The following ESD variants were observed in gnomAD, a reference collection of about 807,000 sequenced individuals.
ESD encodes S-formylglutathione hydrolase.
Under a neutral mutation model 38.1 loss-of-function variants are expected in ESD, and 34 were observed. The ratio of observed to expected loss-of-function variants is 0.89; its 90% CI spans 0.68 to 1.19. The LOEUF is 1.19. ESD is among the 50% of genes most tolerant of loss of function. The pLI is 0.00. For synonymous variants in ESD, 97 were observed against 107.0 expected, an observed-to-expected ratio of 0.91 and a Z score of 0.58; for missense variants, 334 against 327.2, an observed-to-expected ratio of 1.02 and a Z score of -0.16.
At chr13:46,792,309 G>C (rs1311221184) in intron 2 of ESD, among the ~76,000 whole-genome samples, 1 of 151,936 alleles carries the variant, frequency 6.6e-6, no homozygotes, top group Admixed American at 6.6e-5. Context: ...TAGATATCAG[G>C]AACAGGTATT....
At chr13:46,794,629 G>A (rs1875515377) in intron 1 of ESD, among the ~76,000 whole-genome samples, 1 of 151,880 alleles carries the variant, frequency 6.6e-6, no homozygotes, top group Non-Finnish European at 1.5e-5. Flanking sequence ...ATCTCTACAT[G>A]TGTTTTTTTG....
At chr13:46,777,414 A>G (rs749783751) in intron 9 of ESD, 42 bp downstream of exon 9, 1 of 1,398,248 alleles carries the variant, frequency 7.2e-7, no homozygotes, top group Non-Finnish European at 9.7e-7. Context: ...AATTTTTCAT[A>G]GTTACATTAT....
intron 9 of ESD, chr13:46,776,808 A>G (rs1204886888): frequency 6.6e-6 from 1 of 152,058 alleles, no homozygotes; most frequent in Non-Finnish European, 1.5e-5. Flanking sequence ...TTCACTCTAA[A>G]ATATTTTAAA....
intron 9 of ESD, among the ~76,000 whole-genome samples, chr13:46,773,210 TGTGC>T (rs1874675022): frequency 6.6e-6 from 1 of 152,214 alleles, no homozygotes; most frequent in Non-Finnish European, 1.5e-5. Flanking sequence ...TGAACATATG[TGTGC>T]TTGTATCTTT....
At chr13:46,774,393 C>T (rs1243065139) in intron 9 of ESD, among the ~76,000 whole-genome samples, 3 of 152,162 alleles carry the variant, frequency 2.0e-5, no homozygotes, top group Admixed American at 2.0e-4. Flanking sequence ...CTAATTGTAT[C>T]ATCCCTGACG....
At chr13:46,784,378 C>T in intron 4 of ESD, 28 bp from the exon 5 acceptor site, 1 of 1,453,028 alleles carries the variant, frequency 6.9e-7, no homozygotes, top group Non-Finnish European at 9.6e-7. Context: ...TGTTATTGGG[C>T]ACACATGGAC....
intron 8 of ESD, 57 bp from the exon 9 acceptor site, chr13:46,777,680 C>CT: frequency 1.5e-6 from 2 of 1,358,654 alleles, no homozygotes; most frequent in Non-Finnish European, 2.0e-6. Flanking sequence ...TCAGGATATA[C>CT]TATACTAGTA....
At chr13:46,773,646 T>G (rs1874691284) in intron 9 of ESD, among the ~76,000 whole-genome samples, 1 of 152,198 alleles carries the variant, frequency 6.6e-6, no homozygotes. Flanking sequence ...AGAGAGGTAT[T>G]AAATGTTTAT....
chr13:46,782,877 C>G, intron 5 of ESD, 86 bp from the exon 6 acceptor site: 1 of 1,482,020 alleles, frequency 6.7e-7, no homozygotes, highest in Admixed American at 1.8e-5. Flanking sequence ...TCTGCAAGTC[C>G]ATTTGCATGG....
At chr13:46,796,944 G>GTC (rs1207797100) in intron 1 of ESD, among the ~76,000 whole-genome samples, 161 bp downstream of exon 1, 1 of 152,242 alleles carries the variant, frequency 6.6e-6, no homozygotes, top group African/African-American at 2.4e-5. Context: ...TTGGCCTCCT[G>GTC]TCATGGATGG....
At chr13:46,778,773 TTC>T (rs1323113093) in intron 8 of ESD, among the ~76,000 whole-genome samples, 2 of 151,770 alleles carry the variant, frequency 1.3e-5, no homozygotes, top group African/African-American at 2.4e-5. Context: ...CCTAAATCAT[TTC>T]TAGCATTCTT....
At chr13:46,784,531 A>G (rs985849533) in intron 4 of ESD, among the ~76,000 whole-genome samples, 181 bp from the exon 5 acceptor site, 11 of 152,098 alleles carry the variant, frequency 7.2e-5, no homozygotes, top group African/African-American at 2.6e-4. Flanking sequence ...CATGTCACGC[A>G]ATACGCTCAT....
At chr13:46,780,609 A>T (rs1874964487) in intron 7 of ESD, among the ~76,000 whole-genome samples, 2 of 151,740 alleles carry the variant, frequency 1.3e-5, no homozygotes, top group Non-Finnish European at 3.0e-5. Flanking sequence ...GGACAAAAAA[A>T]TCAACTAAGT....
chr13:46,771,334 ATTTTT>A lies in ESD; in HGVS notation c.*77_*81del. ...AGCACTATAAAATCCAATGTTTTGA[ATTTTT>A]TTTTTTTTTGCTCAGCAATACAGTT... On this transcript the variant is annotated 3_prime_UTR_variant, in exon 10 of 10. Transcript: ENST00000378720. The A allele has an allele frequency of 1.4e-6, 1 of 708,662 alleles. No homozygotes were observed. Among genetic ancestry groups the A allele is most frequent in the South Asian group, 2.2e-5 (1 of 45,016 alleles). 43.9% of individuals were successfully genotyped at this position (708,662 alleles called of 1,614,324 possible). A position where few individuals can be genotyped will look rare whatever the true frequency, so the allele number is the denominator to read the frequency against.
At chr13:46,775,672 T>C (rs911757660) in intron 9 of ESD, 2 of 470,574 alleles carry the variant, frequency 4.3e-6, no homozygotes, top group Non-Finnish European at 4.4e-6. Flanking sequence ...AGCTATGTAG[T>C]CCACTCTTAA....
chr13:46,796,314 C>T (rs1331323765), intron 1 of ESD, among the ~76,000 whole-genome samples: 1 of 152,210 alleles, frequency 6.6e-6, no homozygotes, highest in Admixed American at 6.5e-5. Context: ...ATCTATGCCT[C>T]ATTTGCCCAT....
intron 9 of ESD, among the ~76,000 whole-genome samples, chr13:46,773,568 C>T (rs755821573): frequency 5.9e-5 from 9 of 152,178 alleles, no homozygotes; most frequent in South Asian, 2.1e-4. Flanking sequence ...ATATCACTGA[C>T]GCTTCAGAGA....
At chr13:46,790,560 C>T (rs1875361326) in intron 3 of ESD, 1 of 152,098 alleles carries the variant, frequency 6.6e-6, no homozygotes. Flanking sequence ...TCTGGTATTC[C>T]CCAGTACAAA....
Position 46,789,962 on chromosome 13 carries a change from T to C in ESD, c.68+1384A>G, listed in dbSNP as rs1438075627. 2.6e-5 allele frequency among the ~76,000 whole-genome samples: 4 copies of C among 151,272 alleles called. No individual in the cohort carries two copies. In the East Asian group the frequency reaches 7.8e-4, roughly 29 times the overall value. ...TCCTAAGTAGCTGGGACTACAGGTG[T>C]GCATAACCATGCCTGGCTAATTTTT... On this transcript the variant is annotated intron_variant, in intron 3 of 9. Transcript: ENST00000378720.
Sources: gnomAD v4.1 joint callset for allele counts (sites outside exome capture counted in the v4.1 genomes callset) on GRCh38, gnomAD v4.1.1 for gene constraint, MANE v1.5 for transcripts, NCBI Gene and HGNC (gene_info 2026-07-23, HGNC 2026-07-21) for gene names.